KIRREL3: variants seen among roughly 807,000 people sequenced by gnomAD.
The protein encoded by KIRREL3 is kirre like nephrin family adhesion molecule 3, also known as kin of IRRE-like protein 3.
KIRREL3 carries 36 observed loss-of-function variants against 89.7 expected under a neutral mutation model. That is an observed-to-expected ratio of 0.40 (90% CI 0.31 to 0.53). The LOEUF (loss-of-function observed/expected upper bound fraction) is 0.53. Ranked by LOEUF, KIRREL3 falls within the 20% of genes least tolerant of loss-of-function variation. KIRREL3 has a pLI of 0.49. For missense variants in KIRREL3, 864 were observed against 1,056.6 expected, an observed-to-expected ratio of 0.82 and a Z score of 2.53; for synonymous variants, 445 against 441.4, an observed-to-expected ratio of 1.01 and a Z score of -0.10.
chr11:126,466,961 C>A (rs980668045), intron 5 of KIRREL3, among the ~76,000 whole-genome samples: 1 of 152,232 alleles, frequency 6.6e-6, no homozygotes, highest in Non-Finnish European at 1.5e-5. Context: ...GCCCCCGGCT[C>A]GCCCAGGTTG....
chr11:126,759,638 C>T (rs1949610385), intron 1 of KIRREL3, among the ~76,000 whole-genome samples: 1 of 152,206 alleles, frequency 6.6e-6, no homozygotes, highest in African/African-American at 2.4e-5. Context: ...TCTAGAGGGA[C>T]AAGCTCATTA....
At chr11:126,878,359 C>T (rs570408997) in intron 1 of KIRREL3, among the ~76,000 whole-genome samples, 18 of 152,106 alleles carry the variant, frequency 1.2e-4, no homozygotes, top group Admixed American at 2.6e-4. Context: ...GATATATATA[C>T]TGTTGCATTT....
intron 1 of KIRREL3, among the ~76,000 whole-genome samples, chr11:126,693,928 C>T (rs1045389968): frequency 1.3e-5 from 2 of 152,374 alleles, no homozygotes; most frequent in East Asian, 3.9e-4. Context: ...GATCCCACCC[C>T]TGTCTGCCCA....
intron 1 of KIRREL3, among the ~76,000 whole-genome samples, chr11:126,960,391 G>A (rs1949049266): frequency 6.6e-6 from 1 of 152,256 alleles, no homozygotes; most frequent in African/African-American, 2.4e-5. Context: ...TGAACCAAAC[G>A]TAGTTTTTCT....
At chr11:126,625,674 C>T (rs1170372009) in intron 1 of KIRREL3, among the ~76,000 whole-genome samples, 1 of 152,104 alleles carries the variant, frequency 6.6e-6, no homozygotes, top group Non-Finnish European at 1.5e-5. Context: ...CATAGCAGAC[C>T]ACTTTATGCT....
At chr11:126,457,355 G>GTC (rs533344841) in intron 6 of KIRREL3, among the ~76,000 whole-genome samples, 37 of 95,546 alleles carry the variant, frequency 3.9e-4, no homozygotes, top group Middle Eastern at 4.8e-3. Context: ...GTGTATGTAT[G>GTC]TCTCTGTGTG....
chr11:126,605,103 G>A lies in KIRREL3; in HGVS notation c.56-42191C>T, dbSNP rs528100714. 6.6e-6 allele frequency among the ~76,000 whole-genome samples: 1 copy of A among 152,288 alleles called. No homozygotes were observed. The highest frequency in any genetic ancestry group is 1.9e-4 in the East Asian group (1 of 5,170). ...TGAGGGTGTGGCCTTTCTTGGCCCT[G>A]CCCTTTCTCCTTGGCTCCTCCCACG... On this transcript the variant is annotated intron_variant, in intron 1 of 16. Transcript: ENST00000525144. The surrounding 1 kb of genome is among the most constrained non-coding windows in gnomAD (Gnocchi z 5.7).
intron 1 of KIRREL3, among the ~76,000 whole-genome samples, chr11:126,853,963 T>C (rs2853112): frequency 3.3e-5 from 5 of 152,170 alleles, no homozygotes; most frequent in Admixed American, 3.3e-4. Flanking sequence ...TTCAACCCTT[T>C]GCATCAACAA....
intron 1 of KIRREL3, among the ~76,000 whole-genome samples, chr11:126,895,666 GA>G (rs1211638055): frequency 6.6e-6 from 1 of 152,104 alleles, no homozygotes; most frequent in African/African-American, 2.4e-5. Context: ...AGGGTAACCA[GA>G]CAGGGTTACT....
chr11:126,673,340 CAG>C (rs1162666990), intron 1 of KIRREL3, among the ~76,000 whole-genome samples: 1 of 152,158 alleles, frequency 6.6e-6, no homozygotes, highest in East Asian at 1.9e-4. Context: ...GGCTTGCAGG[CAG>C]AGTTTGGGCT....
At chr11:126,658,458 T>C (rs1945253924) in intron 1 of KIRREL3, among the ~76,000 whole-genome samples, 2 of 152,188 alleles carry the variant, frequency 1.3e-5, no homozygotes, top group African/African-American at 2.4e-5. Context: ...TCATGATCCA[T>C]TGGTGTCTCA....
In KIRREL3 at chr11:127,000,337, C is replaced by T. The variant is rs1950285889; in HGVS notation, c.55+118G>A. On this transcript the variant is annotated intron_variant, in intron 1 of 16. Transcript: ENST00000525144. The surrounding 1 kb of genome is among the most constrained non-coding windows in gnomAD (Gnocchi z 7.1). The stretch of plus-strand genomic sequence containing the variant: ...ATGCCAGAGCATCTCAGCCCGGCAC[C>T]GAGAGACGCATCCATCAGTCCGAGT... 6 of 751,426 alleles carry T rather than the reference C, an allele frequency of 8.0e-6. No individual in the cohort carries two copies. The highest frequency in any genetic ancestry group is 1.8e-5 in the African/African-American group (1 of 56,104). 46.5% of individuals were successfully genotyped at this position (751,426 alleles called of 1,614,324 possible).
Position 126,511,334 on chromosome 11 carries a change from A to G in KIRREL3, c.433+9981T>C, listed in dbSNP as rs546636070. 5.0e-4 allele frequency among the ~76,000 whole-genome samples: 76 copies of G among 152,018 alleles called. 3 individuals are homozygous for G. The East Asian group carries it at 0.014, about 29-fold the overall frequency. ...GGGAGACTCCATCTCAAAGAAAAAA[A>G]AAAAAGAGCTATACAAAGAGTGGAC... is the stretch of plus-strand genomic sequence containing the variant. On this transcript the variant is annotated intron_variant, in intron 4 of 16. Coordinates refer to ENST00000525144, the MANE Select transcript of KIRREL3 (RefSeq NM_032531.4).
chr11:126,947,660 A>G (rs1793673), intron 1 of KIRREL3, among the ~76,000 whole-genome samples: 14,652 of 152,302 alleles, frequency 0.096, 813 homozygotes, highest in Middle Eastern at 0.19. Flanking sequence ...GTGTGAGACC[A>G]TGCAGCAAAC....
Position 126,568,164 on chromosome 11 carries a change from C to A in KIRREL3, c.56-5252G>T, listed in dbSNP as rs932237664. On this transcript the variant is annotated intron_variant, in intron 1 of 16. Coordinates refer to ENST00000525144, the MANE Select transcript of KIRREL3 (RefSeq NM_032531.4). The surrounding 1 kb of genome is among the most constrained non-coding windows in gnomAD (Gnocchi z 4.6). ...GCCAGGGACCAGATCCTGGAGTAGC[C>A]AATGAGCCTCACCCAGGAGTCTGGG... Among the ~76,000 whole-genome samples the A allele has an allele frequency of 2.0e-5, 3 of 152,062 alleles. No homozygotes were observed. Among genetic ancestry groups the A allele is most frequent in the African/African-American group, 7.2e-5 (3 of 41,428 alleles).
chr11:126,918,076 G>A lies in KIRREL3; in HGVS notation c.55+82379C>T, dbSNP rs772996148. Among the ~76,000 whole-genome samples, 2 of 152,112 alleles carry A rather than the reference G, an allele frequency of 1.3e-5. No individual in the cohort carries two copies. The highest frequency in any genetic ancestry group is 2.9e-5 in the Non-Finnish European group (2 of 68,032). ...GTGCATTCTCAGAAATACGAGATTGGCCCATAATGATATGCATGCCTCTCA... is the reference window on the plus strand; with the variant it reads ...GTGCATTCTCAGAAATACGAGATTGACCCATAATGATATGCATGCCTCTCA... On this transcript the variant is annotated intron_variant, in intron 1 of 16. Coordinates refer to ENST00000525144, the MANE Select transcript of KIRREL3 (RefSeq NM_032531.4). The surrounding 1 kb of genome is among the most constrained non-coding windows in gnomAD (Gnocchi z 6.5).
At chr11:126,450,012 C>T (rs1289263972) in intron 7 of KIRREL3, among the ~76,000 whole-genome samples, 1 of 152,218 alleles carries the variant, frequency 6.6e-6, no homozygotes, top group Non-Finnish European at 1.5e-5. Flanking sequence ...ATCGGTACCA[C>T]ACAATAGGGG....
rs115937116 is a variant in KIRREL3, at chr11:126,772,825, C to T, written c.56-209913G>A. Among the ~76,000 whole-genome samples, 886 of 152,228 alleles carry T rather than the reference C, an allele frequency of 5.8e-3. 5 individuals carry two copies. Among genetic ancestry groups the T allele is most frequent in the African/African-American group, 0.019 (804 of 41,536 alleles). On this transcript the variant is annotated intron_variant, in intron 1 of 16. Transcript: ENST00000525144. The surrounding 1 kb of genome is among the most constrained non-coding windows in gnomAD (Gnocchi z 4.6). ...GATTCCTTGGTTTTGAGCCTTTGCC[C>T]CTAATGCCAGCACCATACCTACTGC...
At chr11:126,648,443 C>T (rs1042500652) in intron 1 of KIRREL3, among the ~76,000 whole-genome samples, 6 of 152,164 alleles carry the variant, frequency 3.9e-5, no homozygotes, top group Admixed American at 6.6e-5. Flanking sequence ...TGCTCGGTGG[C>T]CACCTTCTTG....
Sources: gnomAD v4.1 joint callset for allele counts (sites outside exome capture counted in the v4.1 genomes callset) on GRCh38, gnomAD v4.1.1 for gene constraint, Gnocchi (gnomAD v3.1) non-coding constraint, MANE v1.5 for transcripts, NCBI Gene and HGNC (gene_info 2026-07-23, HGNC 2026-07-21) for gene names.